C6orf132: variants seen among roughly 807,000 people sequenced by gnomAD.
C6orf132 encodes chromosome 6 open reading frame 132, also known as uncharacterized protein C6orf132.
C6orf132 carries 43 observed loss-of-function variants against 65.3 expected under a neutral mutation model. The ratio of observed to expected loss-of-function variants is 0.66; its 90% CI spans 0.52 to 0.85. The LOEUF (loss-of-function observed/expected upper bound fraction) is 0.85, where lower values mean the gene tolerates loss of function less well. C6orf132 is among the 40% of genes least tolerant of loss of function. The pLI is 0.00. For synonymous variants in C6orf132, 631 were observed against 654.1 expected, an observed-to-expected ratio of 0.96 and a Z score of 0.54; for missense variants, 1,488 against 1,548.8, an observed-to-expected ratio of 0.96 and a Z score of 0.66.
chr6:42,105,749 T>G lies in C6orf132; in HGVS notation c.2163A>C (p.Ala721=). The change falls in exon 4 of 5, where the codon GCA becomes GCC. Residue 721 remains alanine, a synonymous_variant. Coordinates refer to ENST00000341865, the MANE Select transcript of C6orf132 (RefSeq NM_001164446.3). Reference sequence around the variant, plus strand: ...GGGAGGGAGTGGAAACTTCTTGAGATGCTGGCTTCTCTGGCTGGCCAGCTG... The same window carrying G: ...GGGAGGGAGTGGAAACTTCTTGAGAGGCTGGCTTCTCTGGCTGGCCAGCTG... ...SGPAGQPEKP[A]SQEVSTPSQA... 2 of 1,537,316 alleles carry G rather than the reference T, an allele frequency of 1.3e-6. No homozygotes were observed. The highest frequency in any genetic ancestry group is 1.7e-6 in the Non-Finnish European group (2 of 1,146,920).
chr6:42,111,327 C>G (rs1040299795), intron 2 of C6orf132, among the ~76,000 whole-genome samples: 1 of 143,884 alleles, frequency 7.0e-6, no homozygotes, highest in Non-Finnish European at 1.5e-5. Context: ...GTCACCCAGG[C>G]TGGAGTGTAA....
At chr6:42,132,855 T>TAAAAAAAAA (rs780525046) in intron 1 of C6orf132, among the ~76,000 whole-genome samples, 1 of 94,380 alleles carries the variant, frequency 1.1e-5, no homozygotes, top group Admixed American at 1.0e-4. Context: ...AGACTCTGTC[T>TAAAAAAAAA]CAAAAAAAAA....
rs79617951 is a variant in C6orf132, at chr6:42,117,496, C to T, written c.253-7205G>A. Among the ~76,000 whole-genome samples, 14 of 152,228 alleles carry T rather than the reference C, an allele frequency of 9.2e-5. No homozygotes were observed. In the East Asian group the frequency reaches 2.7e-3, roughly 29 times the overall value. ...GACATAGAGTTGATGACTGTAGTCC[C>T]TGCTGCCCAGCCCAGTCTACTTGAG... On this transcript the variant is annotated intron_variant, in intron 2 of 4. Transcript: ENST00000341865.
At chr6:42,108,001 C>T (rs58448058) in intron 3 of C6orf132, among the ~76,000 whole-genome samples, 1,617 of 152,290 alleles carry the variant, frequency 0.011, 34 homozygotes, top group African/African-American at 0.036. Flanking sequence ...CAGGTCCTGT[C>T]GGGGTGTCCC....
In C6orf132 at chr6:42,106,220, C is replaced by T. The variant is rs9394865; in HGVS notation, c.1692G>A (p.Arg564=). ...GGGCCTCCAGCTCATTCCGGATCTG[C>T]CGCACACTGGGAGTTGGAGAGTCTT... ...IPQDSPTPSV[R]QIRNELEARL... is the part of the protein sequence containing the mutation. The change falls in exon 4 of 5, where the codon CGG becomes CGA. Residue 564 remains arginine (R), a synonymous_variant. Coordinates refer to ENST00000341865, the MANE Select transcript of C6orf132 (RefSeq NM_001164446.3). 0.086 allele frequency: 132,840 copies of T among 1,537,054 alleles called. 9,841 individuals are homozygous for T. The highest frequency in any genetic ancestry group is 0.29 in the African/African-American group (21,502 of 73,086).
chr6:42,123,454 AAGG>A (rs1328690806), intron 2 of C6orf132, among the ~76,000 whole-genome samples: 54 of 56,112 alleles, frequency 9.6e-4, no homozygotes, highest in Non-Finnish European at 1.1e-3. Flanking sequence ...GAAGGAGAAG[AAGG>A]AGAAGGAGAA....
intron 2 of C6orf132, chr6:42,126,847 C>CAG: frequency 2.9e-6 from 1 of 347,272 alleles, no homozygotes. Context: ...ACTCAGTCTG[C>CAG]AAAAAAAAAA....
intron 1 of C6orf132, among the ~76,000 whole-genome samples, chr6:42,136,251 G>A (rs1327045891): frequency 6.6e-6 from 1 of 151,680 alleles, no homozygotes; most frequent in Non-Finnish European, 1.5e-5. Flanking sequence ...TAATACCTGA[G>A]GACACTGAAC....
rs766605752 is a variant in C6orf132, at chr6:42,131,312, G to A, written c.146-2534C>T. 3.9e-5 allele frequency among the ~76,000 whole-genome samples: 6 copies of A among 152,194 alleles called. No homozygotes were observed. The South Asian group carries it at 6.2e-4, about 16-fold the overall frequency. On this transcript the variant is annotated intron_variant, in intron 1 of 4. Coordinates refer to ENST00000341865, the MANE Select transcript of C6orf132 (RefSeq NM_001164446.3). ...CTGGGATTACAGGTGTGTACCACGC[G>A]CCCAGCCTACTGAGCACCTTTAATG... is the stretch of plus-strand genomic sequence containing the variant.
rs1766562003 is a variant in C6orf132 at position 42,115,934 on chromosome 6, C to CTTTTTCT, written c.253-5644_253-5643insAGAAAAA. ...TTTTTTCTTTTTTCTTTTTCTTTTT[C>CTTTTTCT]TTTTTTTTTTTTTTTGAGATGGTCT... is the stretch of plus-strand genomic sequence containing the variant. On this transcript the variant is annotated intron_variant, in intron 2 of 4. Transcript: ENST00000341865. 1.0e-4 allele frequency among the ~76,000 whole-genome samples: 11 copies of CTTTTTCT among 106,388 alleles called. No homozygotes were observed. In the South Asian group the frequency reaches 1.3e-3, roughly 13 times the overall value. The allele number at this position is 106,388 out of a possible 152,430, so 69.8% of individuals were successfully genotyped here. A position where few individuals can be genotyped will look rare whatever the true frequency, so the allele number is the denominator to read the frequency against.
Position 42,106,372 on chromosome 6 carries a change from T to A in C6orf132, c.1540A>T (p.Thr514Ser). Residue 514 changes from threonine to serine, a missense_variant, in exon 4 of 5, where the codon ACT becomes TCT. By Grantham distance (58) the Thr-to-Ser change is moderately conservative. Transcript: ENST00000341865. ...TCCTTTGCTGGCAGGCTCAGGAGAG[T>A]CTCCTTCTCAGGCAGGCGGGGGCCC... Reference protein sequence around the residue: ...KKGPRLPEKETLLSLPAKDTP... With the variant: ...KKGPRLPEKESLLSLPAKDTP... 1 of 1,535,728 alleles carries A rather than the reference T, an allele frequency of 6.5e-7. No individual in the cohort carries two copies. The highest frequency in any genetic ancestry group is 8.7e-7 in the Non-Finnish European group (1 of 1,146,704).
intron 1 of C6orf132, 75 bp downstream of exon 1, chr6:42,142,225 A>T: frequency 6.8e-7 from 1 of 1,473,348 alleles, no homozygotes; most frequent in Non-Finnish European, 9.1e-7. Flanking sequence ...CCGCGCCTCC[A>T]GGAGACAGCA....
chr6:42,130,165 G>A (rs1395721108), intron 1 of C6orf132, among the ~76,000 whole-genome samples: 3 of 152,206 alleles, frequency 2.0e-5, no homozygotes, highest in Non-Finnish European at 2.9e-5. Context: ...AAAGGGGCCC[G>A]AACGTCGGGT....
intron 1 of C6orf132, among the ~76,000 whole-genome samples, chr6:42,132,407 C>G (rs893753034): frequency 2.0e-5 from 3 of 151,904 alleles, no homozygotes; most frequent in Non-Finnish European, 4.4e-5. Flanking sequence ...CCCAGCTACT[C>G]AGGAGGCTGA....
rs1192276018 is a variant in C6orf132 at position 42,103,869 on chromosome 6, G to A, written c.3459C>T (p.Tyr1153=). The change falls in exon 5 of 5, where the codon TAC becomes TAT. Residue 1153 remains tyrosine (Y), a synonymous_variant. Coordinates refer to ENST00000341865, the MANE Select transcript of C6orf132 (RefSeq NM_001164446.3). ...GFAPAAGRSP[Y]TTTRYGSPIN... ...TGGGGCTTCCATAGCGGGTGGTGGTGTAGGGAGACCTGGGGGAGAGCAAGA... is the reference window on the plus strand; with the variant it reads ...TGGGGCTTCCATAGCGGGTGGTGGTATAGGGAGACCTGGGGGAGAGCAAGA... 27 of 1,464,884 alleles carry A rather than the reference G, an allele frequency of 1.8e-5. No individual in the cohort carries two copies. The highest frequency in any genetic ancestry group is 3.5e-4 in the Middle Eastern group (2 of 5,722). 90.7% of individuals were successfully genotyped at this position (1,464,884 alleles called of 1,614,324 possible).
At chr6:42,136,442 TAGG>T (rs1038000421) in intron 1 of C6orf132, among the ~76,000 whole-genome samples, 9 of 152,264 alleles carry the variant, frequency 5.9e-5, no homozygotes, top group Non-Finnish European at 7.4e-5. Context: ...TCCTGGGGCT[TAGG>T]AGGATTCGGG....
In C6orf132 at chr6:42,106,569, G is replaced by T. The variant is rs754613669; in HGVS notation, c.1343C>A (p.Pro448His). Residue 448 changes from proline to histidine, a missense_variant, in exon 4 of 5, where the codon CCC becomes CAC. Physicochemically the swap from Pro to His is moderately conservative, Grantham distance 77 (BLOSUM62 -2). Coordinates refer to ENST00000341865, the MANE Select transcript of C6orf132 (RefSeq NM_001164446.3). ...TGAAGACGCTGTGTTCTCTGGGCTG[G>T]GGGGGTTGGGTTTGGGTTTGAGAGC... ...SPALKPKPNPPSPENTASSAP... is the reference protein window; with the variant it reads ...SPALKPKPNPHSPENTASSAP... 45 of 1,536,088 alleles carry T rather than the reference G, an allele frequency of 2.9e-5. No individual in the cohort carries two copies. The highest frequency in any genetic ancestry group is 8.3e-5 in the South Asian group (7 of 84,050).
At chr6:42,140,585 C>G (rs1295760576) in intron 1 of C6orf132, among the ~76,000 whole-genome samples, 2 of 152,166 alleles carry the variant, frequency 1.3e-5, no homozygotes, top group Non-Finnish European at 1.5e-5. Context: ...GTTCTAAAAC[C>G]AGATGGTGGT....
At chr6:42,116,110 G>C (rs2127475519) in intron 2 of C6orf132, among the ~76,000 whole-genome samples, 1 of 151,098 alleles carries the variant, frequency 6.6e-6, no homozygotes, top group Middle Eastern at 3.4e-3. Flanking sequence ...TTGTATTTTT[G>C]GTGGAGACGG....
Sources: allele counts gnomAD v4.1 joint callset (sites outside exome capture counted in the v4.1 genomes callset), GRCh38; gene constraint gnomAD v4.1.1; transcripts MANE v1.5; gene names NCBI Gene and HGNC (gene_info 2026-07-23, HGNC 2026-07-21).